Variants in MTNR1B observed in about 807,000 individuals in gnomAD.
MTNR1B encodes melatonin receptor 1B.
Under a neutral mutation model 7.0 loss-of-function variants are expected in MTNR1B, and 7 were observed. The observed-to-expected ratio is 1.00, with a 90% CI of 0.57 to 1.88. The LOEUF (loss-of-function observed/expected upper bound fraction) is 1.88, where lower values mean the gene tolerates loss of function less well. Ranked by LOEUF, MTNR1B falls within the 40% of genes most tolerant of loss-of-function variation. MTNR1B has a pLI of 0.00. For missense variants in MTNR1B, 478 were observed against 486.5 expected (o/e 0.98, Z 0.16); for synonymous variants, 226 against 208.2 (o/e 1.09, Z -0.74).
chr11:92,970,580 T>G (rs1857908140), intron 1 of MTNR1B, among the ~76,000 whole-genome samples: 1 of 152,230 alleles, frequency 6.6e-6, no homozygotes, highest in African/African-American at 2.4e-5. Context: ...GGATTAACTG[T>G]GAAAATTAAA....
chr11:92,970,300 A>G (rs1015726179), intron 1 of MTNR1B, among the ~76,000 whole-genome samples: 1 of 152,224 alleles, frequency 6.6e-6, no homozygotes, highest in Admixed American at 6.5e-5. Context: ...ATCAGGCCAC[A>G]GAAATCTCAC....
chr11:92,980,322 T>A (rs1033826053), intron 1 of MTNR1B, among the ~76,000 whole-genome samples: 1 of 152,234 alleles, frequency 6.6e-6, no homozygotes, highest in Non-Finnish European at 1.5e-5. Flanking sequence ...GAGTCTGTTA[T>A]CTTTTGAGCA....
At chr11:92,972,393 A>T in intron 1 of MTNR1B, 1 of 456,228 alleles carries the variant, frequency 2.2e-6, no homozygotes, top group Non-Finnish European at 4.4e-6. Context: ...GCAGATCTGT[A>T]TCATTCCTAA....
Position 92,982,341 on chromosome 11 carries a change from AC to A in MTNR1B, c.*30del. ...GGATCTGAGGCACACCAGCAGCATG[AC>A]AAACTCATGAAATGGTGGGAGAGAG... On this transcript the variant is annotated 3_prime_UTR_variant, in exon 2 of 2. Transcript: ENST00000257068. 1 of 1,591,448 alleles carries A rather than the reference AC, an allele frequency of 6.3e-7. No individual in the cohort carries two copies. The highest frequency in any genetic ancestry group is 2.2e-5 in the East Asian group (1 of 44,728).
intron 1 of MTNR1B, among the ~76,000 whole-genome samples, chr11:92,974,929 T>C (rs1857990362): frequency 6.6e-6 from 1 of 151,880 alleles, no homozygotes; most frequent in African/African-American, 2.4e-5. Context: ...GTAGAGATGG[T>C]GTTTCTCCAT....
At chr11:92,973,764 C>T (rs368226028) in intron 1 of MTNR1B, among the ~76,000 whole-genome samples, 1 of 152,164 alleles carries the variant, frequency 6.6e-6, no homozygotes, top group African/African-American at 2.4e-5. Context: ...GGACCGTGTA[C>T]CTGCTGAGAG....
rs893391326 is a variant in MTNR1B, at chr11:92,981,795, C to T, written c.572C>T (p.Thr191Ile). 1 of 1,614,224 alleles carries T rather than the reference C, an allele frequency of 6.2e-7. No homozygotes were observed. Among genetic ancestry groups the T allele is most frequent in the Non-Finnish European group, 8.5e-7 (1 of 1,180,046 alleles). ...LEYDPRIYSC[T>I]FIQTASTQYT... ...TACGACCCACGCATCTATTCCTGCACCTTCATCCAGACCGCCAGCACCCAG... is the reference window on the plus strand; with the variant it reads ...TACGACCCACGCATCTATTCCTGCATCTTCATCCAGACCGCCAGCACCCAG... Residue 191 changes from threonine to isoleucine, a missense_variant, in exon 2 of 2, where the codon ACC becomes ATC. Physicochemically the swap from Thr to Ile is moderately conservative, Grantham distance 89. Transcript: ENST00000257068.
At chr11:92,984,368 G>A (rs1005227877), downstream of MTNR1B, among the ~76,000 whole-genome samples, 1 of 152,170 alleles carries the variant, frequency 6.6e-6, no homozygotes, top group Non-Finnish European at 1.5e-5. Flanking sequence ...GAATGAAGAT[G>A]TCTTAGTCCT....
In MTNR1B at chr11:92,969,888, G is replaced by A. The variant is rs1403371916; in HGVS notation, c.163G>A (p.Val55Ile). ...AVLIVTTAVD[V>I]VGNLLVILSV... ...GCTCATCGTCACCACCGCCGTGGAC[G>A]TCGTGGGCAACCTCCTGGTGATCCT... is the stretch of plus-strand genomic sequence containing the variant. The change falls in exon 1 of 2, where the codon GTC becomes ATC. Residue 55 changes from valine to isoleucine, a missense_variant. Coordinates refer to ENST00000257068, the MANE Select transcript of MTNR1B (RefSeq NM_005959.5). 1 of 1,612,370 alleles carries A rather than the reference G, an allele frequency of 6.2e-7. No individual in the cohort carries two copies. The highest frequency in any genetic ancestry group is 8.5e-7 in the Non-Finnish European group (1 of 1,179,672).
In MTNR1B at chr11:92,969,882, G is replaced by C. The variant is rs541167036; in HGVS notation, c.157G>C (p.Val53Leu). ...CGCGGTGCTCATCGTCACCACCGCCGTGGACGTCGTGGGCAACCTCCTGGT... is the reference window on the plus strand; with the variant it reads ...CGCGGTGCTCATCGTCACCACCGCCCTGGACGTCGTGGGCAACCTCCTGGT... Reference protein sequence around the residue: ...LSAVLIVTTAVDVVGNLLVIL... With the variant: ...LSAVLIVTTALDVVGNLLVIL... The change falls in exon 1 of 2, where the codon GTG becomes CTG. Residue 53 changes from valine to leucine, a missense_variant. By Grantham distance (32) the Val-to-Leu change is conservative. Coordinates refer to ENST00000257068, the MANE Select transcript of MTNR1B (RefSeq NM_005959.5). 6.2e-7 allele frequency: 1 copy of C among 1,612,130 alleles called. No homozygotes were observed. Among genetic ancestry groups the C allele is most frequent in the East Asian group, 2.2e-5 (1 of 44,802 alleles).
rs747566897 is a variant in MTNR1B, at chr11:92,969,806, C to CG, written c.82dup (p.Ala28GlyfsTer49). 3 of 1,564,956 alleles carry CG rather than the reference C, an allele frequency of 1.9e-6. No individual in the cohort carries two copies. The South Asian group carries it at 3.5e-5, about 18-fold the overall frequency. ...GCCCGGGCTGGTCGGGGGCTGGCAGCGCGCGGCCCTCCAGGACCCCTCGAC... is the reference window on the plus strand; with the variant it reads ...GCCCGGGCTGGTCGGGGGCTGGCAGCGGCGCGGCCCTCCAGGACCCCTCGAC... On this transcript the variant is annotated frameshift_variant, in exon 1 of 2. Coordinates refer to ENST00000257068, the MANE Select transcript of MTNR1B (RefSeq NM_005959.5). LOFTEE classifies it high-confidence loss of function.
Position 92,969,780 on chromosome 11 carries a change from C to A in MTNR1B, c.55C>A (p.Arg19Ser). 1.3e-6 allele frequency: 2 copies of A among 1,541,272 alleles called. No individual in the cohort carries two copies. ...NCCEAGGWAV[R>S]PGWSGAGSAR... ...CTGCGAGGCGGGCGGGTGGGCAGTG[C>A]GCCCGGGCTGGTCGGGGGCTGGCAG... Residue 19 changes from arginine (R) to serine (S), a missense_variant, in exon 1 of 2, where the codon CGC becomes AGC. Physicochemically the swap from Arg to Ser is moderately radical, Grantham distance 110 (BLOSUM62 -1). Coordinates refer to ENST00000257068, the MANE Select transcript of MTNR1B (RefSeq NM_005959.5).
intron 1 of MTNR1B, among the ~76,000 whole-genome samples, chr11:92,974,292 A>G (rs148792176): frequency 5.4e-4 from 82 of 152,330 alleles, no homozygotes; most frequent in African/African-American, 1.9e-3. Flanking sequence ...TGATGGAAAA[A>G]GAGAAACTCC....
At chr11:92,972,982 T>A (rs1378387138) in intron 1 of MTNR1B, among the ~76,000 whole-genome samples, 2 of 152,142 alleles carry the variant, frequency 1.3e-5, no homozygotes, top group Non-Finnish European at 1.5e-5. Flanking sequence ...GTTGTGGACA[T>A]CTACTGGTTC....
downstream of MTNR1B, among the ~76,000 whole-genome samples, chr11:92,983,604 G>A (rs1198642607): frequency 6.6e-6 from 1 of 152,040 alleles, no homozygotes; most frequent in Non-Finnish European, 1.5e-5. Context: ...GTGGGGAAAG[G>A]GCAGCTGCAC....
chr11:92,981,458 T>C lies in MTNR1B; in HGVS notation c.235T>C (p.Leu79=), dbSNP rs1858100284. 2 of 1,612,528 alleles carry C rather than the reference T, an allele frequency of 1.2e-6. No individual in the cohort carries two copies. The highest frequency in any genetic ancestry group is 1.7e-6 in the Non-Finnish European group (2 of 1,178,982). Residue 79 remains leucine, a synonymous_variant, in exon 2 of 2, where the codon TTG becomes CTG. Transcript: ENST00000257068. ...GTTTGCTGCTTCAGGTAATTTGTTCTTGGTGAGTCTGGCATTGGCTGACCT... is the reference window on the plus strand; with the variant it reads ...GTTTGCTGCTTCAGGTAATTTGTTCCTGGTGAGTCTGGCATTGGCTGACCT... The part of the protein sequence containing the change: ...RKLRNAGNLF[L]VSLALADLVV...
intron 1 of MTNR1B, among the ~76,000 whole-genome samples, chr11:92,973,442 C>T (rs937701354): frequency 4.6e-5 from 7 of 152,212 alleles, no homozygotes; most frequent in South Asian, 2.1e-4. Context: ...ACAGCTCCCA[C>T]GGCCATTTGC....
At chr11:92,970,171 T>C (rs1333735411) in intron 1 of MTNR1B, among the ~76,000 whole-genome samples, 1 of 152,160 alleles carries the variant, frequency 6.6e-6, no homozygotes, top group Non-Finnish European at 1.5e-5. Context: ...ACAGAGGGAA[T>C]TGCGGAAAGT....
intron 1 of MTNR1B, among the ~76,000 whole-genome samples, chr11:92,973,035 T>C (rs925139893): frequency 2.6e-5 from 4 of 152,118 alleles, no homozygotes; most frequent in Non-Finnish European, 5.9e-5. Flanking sequence ...CTGGGCGCCA[T>C]TCTCTGGAAA....
Sources: allele counts gnomAD v4.1 joint callset (sites outside exome capture counted in the v4.1 genomes callset), GRCh38; gene constraint gnomAD v4.1.1; transcripts MANE v1.5; gene names NCBI Gene and HGNC (gene_info 2026-07-23, HGNC 2026-07-21).